The following SPAG17 variants were observed in gnomAD, a reference collection of about 807,000 sequenced individuals.
The protein encoded by SPAG17 is sperm-associated antigen 17.
In SPAG17, 169 loss-of-function variants were observed where a neutral mutation model predicts 273.6. The ratio of observed to expected loss-of-function variants is 0.62; its 90% CI spans 0.55 to 0.70. The LOEUF (loss-of-function observed/expected upper bound fraction) is 0.70. SPAG17 is among the 30% of genes least tolerant of loss of function. SPAG17 has a pLI of 0.00. For missense variants in SPAG17, 2,557 were observed against 2,627.8 expected, an observed-to-expected ratio of 0.97 and a Z score of 0.59; for synonymous variants, 825 against 873.2, an observed-to-expected ratio of 0.94 and a Z score of 0.97.
chr1:117,990,806 A>G, intron 38 of SPAG17, 55 bp downstream of exon 38: 1 of 1,181,824 alleles, frequency 8.5e-7, no homozygotes, highest in Non-Finnish European at 1.2e-6. Flanking sequence ...TGTATTTAAG[A>G]TGATTCCTTT....
intron 29 of SPAG17, among the ~76,000 whole-genome samples, chr1:118,013,462 T>C (rs1659670772): frequency 6.6e-6 from 1 of 152,180 alleles, no homozygotes; most frequent in Admixed American, 6.5e-5. Flanking sequence ...ATGTGGTGGT[T>C]GAGAGCATGA....
chr1:117,954,611 C>T (rs1651892040), intron 48 of SPAG17: 1 of 1,612,452 alleles, frequency 6.2e-7, no homozygotes, highest in Non-Finnish European at 8.5e-7. Flanking sequence ...ATCCTAATGG[C>T]TTATGGCAGT....
At chr1:118,094,227 T>C (rs541376149) in intron 7 of SPAG17, among the ~76,000 whole-genome samples, 5 of 152,340 alleles carry the variant, frequency 3.3e-5, no homozygotes, top group Non-Finnish European at 4.4e-5. Flanking sequence ...AATTCTGGCA[T>C]AGAAATATGT....
In SPAG17 at chr1:118,005,552, A is replaced by C; in HGVS notation, c.4638T>G (p.Ala1546=). ...TACTGCTTGACTCATGGCAGTACAC[A>C]GCTGAACAATCCTTGTCAATATAAA... The part of the protein sequence containing the change: ...GSLYIDKDCS[A]VYCHESSSNI... The change falls in exon 32 of 49, where the codon GCT becomes GCG. Residue 1546 remains alanine, a synonymous_variant. Coordinates refer to ENST00000336338, the MANE Select transcript of SPAG17 (RefSeq NM_206996.4). The C allele has an allele frequency of 1.2e-6, 2 of 1,600,364 alleles. No homozygotes were observed. The highest frequency in any genetic ancestry group is 1.7e-6 in the Non-Finnish European group (2 of 1,173,682).
intron 48 of SPAG17, chr1:117,960,702 A>G (rs983003571): frequency 6.6e-6 from 1 of 152,214 alleles, no homozygotes; most frequent in African/African-American, 2.4e-5. Context: ...TTATTTCAGT[A>G]ACATACTGTG....
At chr1:118,141,317 T>C (rs1197275732) in intron 3 of SPAG17, among the ~76,000 whole-genome samples, 2 of 152,218 alleles carry the variant, frequency 1.3e-5, no homozygotes, top group Non-Finnish European at 2.9e-5. Flanking sequence ...TATCATTTGA[T>C]GATTTAGCCA....
At chr1:118,092,474 T>G (rs1219601517) in intron 8 of SPAG17, among the ~76,000 whole-genome samples, 1 of 152,238 alleles carries the variant, frequency 6.6e-6, no homozygotes, top group African/African-American at 2.4e-5. Context: ...CTGGGATCAC[T>G]GAACTACCCT....
intron 40 of SPAG17, 73 bp from the exon 41 acceptor site, chr1:117,984,855 C>A: frequency 1.1e-6 from 1 of 895,764 alleles, no homozygotes; most frequent in Non-Finnish European, 1.8e-6. Flanking sequence ...TGTGCTTTAG[C>A]TCTAAATCCC....
rs1656790822 is a variant in SPAG17, at chr1:117,989,251, T to C, written c.5522-1047A>G. 3.3e-5 allele frequency among the ~76,000 whole-genome samples: 5 copies of C among 152,278 alleles called. No individual in the cohort carries two copies. In the South Asian group the frequency reaches 1.0e-3, roughly 32 times the overall value. ...GTGTAATTCATAAAGAAAAGAGGTT[T>C]CTTTGGCTCACAATTCTGCAGGCTG... On this transcript the variant is annotated intron_variant, in intron 38 of 48. Coordinates refer to ENST00000336338, the MANE Select transcript of SPAG17 (RefSeq NM_206996.4).
At chr1:117,960,592 C>T (rs118062335) in intron 48 of SPAG17, 10 of 152,238 alleles carry the variant, frequency 6.6e-5, no homozygotes, top group East Asian at 5.8e-4. Flanking sequence ...TTTACTGGGG[C>T]GATGAGTTGT....
At chr1:118,107,806 GAAGAAGATGTGC>G (rs1219589584) in intron 4 of SPAG17, among the ~76,000 whole-genome samples, 2 of 152,190 alleles carry the variant, frequency 1.3e-5, no homozygotes, top group East Asian at 3.8e-4. Flanking sequence ...GAAGATGAGT[GAAGAAGATGTGC>G]AATGCATTCT....
intron 3 of SPAG17, among the ~76,000 whole-genome samples, chr1:118,125,713 T>C (rs1424156999): frequency 6.6e-6 from 1 of 152,242 alleles, no homozygotes; most frequent in Non-Finnish European, 1.5e-5. Flanking sequence ...TTTCATTCTT[T>C]ATTATGGCAG....
chr1:118,134,016 G>A (rs1658202937), intron 3 of SPAG17, among the ~76,000 whole-genome samples: 1 of 152,182 alleles, frequency 6.6e-6, no homozygotes, highest in African/African-American at 2.4e-5. Context: ...AAAAATAAAA[G>A]GTTGAAGAGG....
intron 3 of SPAG17, among the ~76,000 whole-genome samples, chr1:118,140,038 C>G (rs571263157): frequency 6.6e-5 from 10 of 152,242 alleles, no homozygotes; most frequent in African/African-American, 2.2e-4. Flanking sequence ...GCCCCCTTGC[C>G]GTGTGATTTC....
chr1:117,964,161 C>G (rs576382166), intron 47 of SPAG17: 1 of 390,724 alleles, frequency 2.6e-6, no homozygotes, highest in South Asian at 5.2e-5. Flanking sequence ...CATTTCTCTC[C>G]TAACTGTGAC....
intron 36 of SPAG17, 65 bp from the exon 37 acceptor site, chr1:117,991,593 G>A (rs1190743465): frequency 1.0e-6 from 1 of 983,278 alleles, no homozygotes; most frequent in Admixed American, 2.3e-5. Flanking sequence ...ATACAAAAAT[G>A]GTCATCAACT....
intron 43 of SPAG17, among the ~76,000 whole-genome samples, chr1:117,978,247 A>G (rs1191852852): frequency 6.6e-6 from 1 of 152,108 alleles, no homozygotes; most frequent in Non-Finnish European, 1.5e-5. Context: ...CTCCTTTGCA[A>G]TCAGACAGGA....
intron 43 of SPAG17, 28 bp downstream of exon 43, chr1:117,981,242 A>C: frequency 6.5e-7 from 1 of 1,540,802 alleles, no homozygotes; most frequent in South Asian, 1.3e-5. Context: ...AGTTTCAAGA[A>C]GCAATAAGAT....
chr1:118,029,755 A>C (rs4255372), intron 25 of SPAG17, among the ~76,000 whole-genome samples: 1 of 151,996 alleles, frequency 6.6e-6, no homozygotes, highest in Admixed American at 6.6e-5. Context: ...TCTTTTGTTA[A>C]CCACCAAAAT....
Sources: gnomAD v4.1 joint callset for allele counts (sites outside exome capture counted in the v4.1 genomes callset) on GRCh38, gnomAD v4.1.1 for gene constraint, MANE v1.5 for transcripts, NCBI Gene and HGNC (gene_info 2026-07-23, HGNC 2026-07-21) for gene names.